The following AFF3 variants were observed in gnomAD, a reference collection of about 807,000 sequenced individuals.
AFF3 encodes AF4/FMR2 family member 3.
AFF3 carries 32 observed loss-of-function variants against 129.7 expected under a neutral mutation model. The ratio of observed to expected loss-of-function variants is 0.25; its 90% confidence interval spans 0.19 to 0.33. AFF3 has a LOEUF of 0.33. Among genes scored for constraint, AFF3 ranks in the 10% least tolerant of loss-of-function variants. The pLI, the probability that AFF3 is intolerant of heterozygous loss-of-function variation, is 1.00. For synonymous variants in AFF3, 644 were observed against 635.4 expected, an observed-to-expected ratio of 1.01 and a Z score of -0.20; for missense variants, 1,373 against 1,592.0, an observed-to-expected ratio of 0.86 and a Z score of 2.34.
At chr2:100,029,229 T>G (rs1390246636) in intron 4 of AFF3, among the ~76,000 whole-genome samples, 2 of 152,082 alleles carry the variant, frequency 1.3e-5, no homozygotes, top group Non-Finnish European at 2.9e-5. Context: ...TAAAATTGGG[T>G]CATTAGGGTG....
intron 7 of AFF3, among the ~76,000 whole-genome samples, chr2:99,988,886 T>C (rs931840298): frequency 3.3e-5 from 5 of 152,174 alleles, no homozygotes. Context: ...TGGCAGTCTA[T>C]GTCTGGTAAT....
chr2:99,586,039 T>C (rs1011457187), intron 16 of AFF3, among the ~76,000 whole-genome samples: 4 of 152,256 alleles, frequency 2.6e-5, no homozygotes, highest in Admixed American at 2.6e-4. Flanking sequence ...AAATCACAGC[T>C]ATTTTCATAT....
At chr2:99,812,303 G>T (rs940686832) in intron 8 of AFF3, among the ~76,000 whole-genome samples, 1 of 152,098 alleles carries the variant, frequency 6.6e-6, no homozygotes, top group Non-Finnish European at 1.5e-5. Flanking sequence ...TGTTACTTCT[G>T]AAGTAAGATC....
rs759949420 is a variant in AFF3 at position 99,601,451 on chromosome 2, TG to T, written c.1354del (p.His452ThrfsTer21). The T allele has an allele frequency of 1.9e-6, 3 of 1,606,296 alleles. No individual in the cohort carries two copies. The highest frequency in any genetic ancestry group is 1.1e-5 in the South Asian group (1 of 89,912). ...AGCGCTTACCTCGGGGCTGGAGAAG[TG>T]GGGGGGCTTGCTGCCCTCACTCTCG... ...SSESEGSKPPHFSSPEAEPAS... is the reference protein window; with the variant it reads ...SSESEGSKPPXFSSPEAEPAS... On this transcript the variant is annotated frameshift_variant, in exon 14 of 25. Coordinates refer to ENST00000672756, the MANE Select transcript of AFF3 (RefSeq NM_001386135.1). LOFTEE classifies it high-confidence loss of function.
At chr2:99,739,754 A>G (rs148913270) in intron 10 of AFF3, among the ~76,000 whole-genome samples, 1,541 of 152,054 alleles carry the variant, frequency 0.01, 18 homozygotes, top group South Asian at 0.021. Flanking sequence ...ATCCACACAG[A>G]TATTTTGTTT....
At chr2:99,803,971 G>GA (rs1378226904) in intron 8 of AFF3, among the ~76,000 whole-genome samples, 1 of 151,860 alleles carries the variant, frequency 6.6e-6, no homozygotes, top group Non-Finnish European at 1.5e-5. Context: ...ACTGAAACCA[G>GA]AAAAAAATCT....
At chr2:99,667,836 T>C (rs952526981) in intron 12 of AFF3, among the ~76,000 whole-genome samples, 5 of 152,146 alleles carry the variant, frequency 3.3e-5, no homozygotes, top group Non-Finnish European at 5.9e-5. Flanking sequence ...GACTATTAGA[T>C]AATCTGAGTA....
intron 7 of AFF3, among the ~76,000 whole-genome samples, chr2:99,879,855 ACT>A (rs1436574790): frequency 6.7e-4 from 102 of 152,214 alleles, no homozygotes; most frequent in Admixed American, 6.6e-3. Context: ...GTAGCTACAA[ACT>A]CTTTTAACAG....
chr2:99,683,963 T>C (rs1325452742), intron 11 of AFF3, among the ~76,000 whole-genome samples: 1 of 152,200 alleles, frequency 6.6e-6, no homozygotes, highest in Non-Finnish European at 1.5e-5. Context: ...AGTTTTATTC[T>C]TCAGTCTGTA....
chr2:100,039,765 G>A (rs1349051953), intron 4 of AFF3, among the ~76,000 whole-genome samples: 6 of 151,982 alleles, frequency 3.9e-5, no homozygotes, highest in Non-Finnish European at 8.8e-5. Flanking sequence ...CCACTTACTG[G>A]CTGGCTCTGG....
chr2:99,726,132 G>A (rs1266254807), intron 11 of AFF3, among the ~76,000 whole-genome samples: 2 of 152,168 alleles, frequency 1.3e-5, no homozygotes, highest in South Asian at 2.1e-4. Context: ...TTTTAGGGAA[G>A]TATCTTAAGA....
intron 7 of AFF3, among the ~76,000 whole-genome samples, chr2:99,950,972 G>A (rs1468299787): frequency 6.6e-6 from 1 of 152,180 alleles, no homozygotes; most frequent in Non-Finnish European, 1.5e-5. Flanking sequence ...CAAATTTGGT[G>A]TCCACAAGGG....
chr2:99,872,078 C>T (rs1210895930), intron 7 of AFF3, among the ~76,000 whole-genome samples: 1 of 151,276 alleles, frequency 6.6e-6, no homozygotes, highest in Non-Finnish European at 1.5e-5. Context: ...TGGTGGTGGG[C>T]GCCTGTAGTC....
intron 4 of AFF3, among the ~76,000 whole-genome samples, chr2:100,044,318 G>A (rs1685666660): frequency 6.6e-6 from 1 of 152,192 alleles, no homozygotes; most frequent in Admixed American, 6.5e-5. Flanking sequence ...TGAGGGAAGT[G>A]GCTCTTTCTG....
Position 99,569,795 on chromosome 2 carries a change from A to G in AFF3, c.2919-880T>C, listed in dbSNP as rs2104679468. On this transcript the variant is annotated intron_variant, in intron 18 of 24. Coordinates refer to ENST00000672756, the MANE Select transcript of AFF3 (RefSeq NM_001386135.1). ...AACTTGACCTATTCATGAATATCAA[A>G]TATAAGCCAGGACTCTCTGAACGGG... Among the ~76,000 whole-genome samples, 3 of 152,338 alleles carry G rather than the reference A, an allele frequency of 2.0e-5. No individual in the cohort carries two copies. The South Asian group carries it at 6.2e-4, about 32-fold the overall frequency.
At chr2:99,634,937 G>A (rs987516056) in intron 13 of AFF3, among the ~76,000 whole-genome samples, 8 of 144,190 alleles carry the variant, frequency 5.5e-5, no homozygotes, top group Admixed American at 3.6e-4. Flanking sequence ...CTGTGAGCAC[G>A]ACTTGAGGCA....
intron 7 of AFF3, among the ~76,000 whole-genome samples, chr2:99,849,680 T>C (rs1690004024): frequency 1.3e-5 from 2 of 152,230 alleles, no homozygotes; most frequent in Non-Finnish European, 2.9e-5. Flanking sequence ...TATTTTCGTA[T>C]TTAGAAAAGA....
At chr2:99,808,377 T>G (rs1054691981) in intron 8 of AFF3, among the ~76,000 whole-genome samples, 10 of 152,158 alleles carry the variant, frequency 6.6e-5, no homozygotes, top group African/African-American at 2.2e-4. Flanking sequence ...AGAAAATAAG[T>G]GTCATTATTC....
chr2:99,698,626 C>A (rs1676538893), intron 11 of AFF3, among the ~76,000 whole-genome samples: 1 of 152,196 alleles, frequency 6.6e-6, no homozygotes. Context: ...TATTTACCAG[C>A]AATTTCCAAG....
Sources: allele counts gnomAD v4.1 joint callset (sites outside exome capture counted in the v4.1 genomes callset), GRCh38; gene constraint gnomAD v4.1.1; transcripts MANE v1.5; gene names NCBI Gene and HGNC (gene_info 2026-07-23, HGNC 2026-07-21).